ZNF487: variants seen among roughly 807,000 people sequenced by gnomAD.
ZNF487 encodes the protein zinc finger protein 487, also known as KRAB domain only 1.
Under a neutral mutation model 3.0 loss-of-function variants are expected in ZNF487, and 4 were observed. The observed-to-expected ratio is 1.35, with a 90% CI of 0.66 to 3.08. The LOEUF (loss-of-function observed/expected upper bound fraction) is 3.08. Among genes scored for constraint, ZNF487 ranks in the 30% most tolerant of loss-of-function variants. The pLI is 0.01. For synonymous variants in ZNF487, 55 were observed against 34.6 expected (o/e 1.59, Z -2.06); for missense variants, 146 against 98.7 (o/e 1.48, Z -2.03).
chr10:43,479,766 G>C (rs1357668695), intron 3 of ZNF487, among the ~76,000 whole-genome samples: 2 of 152,092 alleles, frequency 1.3e-5, no homozygotes, highest in Non-Finnish European at 2.9e-5. Flanking sequence ...TACTGCCTCA[G>C]CCACCCGAGT....
At chr10:43,446,421 C>T (rs1241197029) in intron 1 of ZNF487, among the ~76,000 whole-genome samples, 2 of 150,454 alleles carry the variant, frequency 1.3e-5, no homozygotes, top group African/African-American at 4.9e-5. Flanking sequence ...GGCAGAGGCA[C>T]TCCTCAGTTC....
downstream of ZNF487, among the ~76,000 whole-genome samples, chr10:43,484,305 C>T (rs1340619748): frequency 1.3e-5 from 2 of 152,062 alleles, no homozygotes; most frequent in African/African-American, 4.8e-5. Flanking sequence ...TCCTTTGTTA[C>T]TGATCAAGAT....
At chr10:43,504,293 C>CTTTTTTTTTTTTTTT in the ZNF487 span, among the ~76,000 whole-genome samples, 9 of 108,982 alleles carry the variant, frequency 8.3e-5, no homozygotes, top group Non-Finnish European at 1.4e-4. Flanking sequence ...TTCTTTCTTT[C>CTTTTTTTTTTTTTTT]TTTTTTTTTT....
intron 3 of ZNF487, among the ~76,000 whole-genome samples, chr10:43,479,137 A>C (rs1414887115): frequency 6.6e-6 from 1 of 151,028 alleles, no homozygotes; most frequent in East Asian, 1.9e-4. Context: ...ATATATATAT[A>C]TAAATTTGTA....
downstream of ZNF487, among the ~76,000 whole-genome samples, chr10:43,487,100 A>G (rs1841477199): frequency 1.3e-5 from 2 of 148,756 alleles, no homozygotes; most frequent in South Asian, 4.2e-4. Context: ...TTCATCACTC[A>G]TTTTTCATCA....
chr10:43,467,987 T>C (rs1196543803), intron 1 of ZNF487, among the ~76,000 whole-genome samples: 4 of 152,078 alleles, frequency 2.6e-5, no homozygotes, highest in Non-Finnish European at 5.9e-5. Flanking sequence ...ATTAACAACA[T>C]TAATAGGAAT....
At chr10:43,450,941 ATTT>A (rs1278555368) in intron 1 of ZNF487, among the ~76,000 whole-genome samples, 1 of 151,744 alleles carries the variant, frequency 6.6e-6, no homozygotes, top group Admixed American at 6.6e-5. Context: ...CATTATTATT[ATTT>A]TTTTATTATT....
chr10:43,465,943 CG>C (rs1564422445), intron 1 of ZNF487, among the ~76,000 whole-genome samples: 1 of 152,180 alleles, frequency 6.6e-6, no homozygotes, highest in East Asian at 1.9e-4. Flanking sequence ...CCCGGCACCT[CG>C]GGAGGCCGAG....
intron 1 of ZNF487, among the ~76,000 whole-genome samples, chr10:43,447,011 G>T (rs1839834454): frequency 6.6e-6 from 1 of 151,954 alleles, no homozygotes; most frequent in Admixed American, 6.6e-5. Context: ...GGCCAACACG[G>T]CGAAACCCCG....
At chr10:43,463,273 C>T (rs1189726029) in intron 1 of ZNF487, among the ~76,000 whole-genome samples, 1 of 151,782 alleles carries the variant, frequency 6.6e-6, no homozygotes, top group Non-Finnish European at 1.5e-5. Flanking sequence ...GCGGATGGCT[C>T]ATGCCTGTAA....
intron 1 of ZNF487, chr10:43,458,125 C>T (rs1840289452): frequency 6.6e-6 from 1 of 152,126 alleles, no homozygotes; most frequent in South Asian, 2.1e-4. Context: ...CAGTGTGAAC[C>T]CAAAATATCT....
At chr10:43,498,100 T>TATA in the ZNF487 span, among the ~76,000 whole-genome samples, 41 of 9,352 alleles carry the variant, frequency 4.4e-3, no homozygotes, top group East Asian at 9.6e-3. Context: ...TATATATATA[T>TATA]TTTTTTTTTT....
downstream of ZNF487, among the ~76,000 whole-genome samples, chr10:43,484,348 T>C (rs1841451746): frequency 6.6e-6 from 1 of 152,002 alleles, no homozygotes; most frequent in African/African-American, 2.4e-5. Context: ...GGCTCACACC[T>C]GTAATCCCAG....
chr10:43,516,294 C>G, the ZNF487 span, among the ~76,000 whole-genome samples: 1 of 152,150 alleles, frequency 6.6e-6, no homozygotes, highest in Admixed American at 6.5e-5. Context: ...GTTTTTCATA[C>G]TATTAGAAGT....
the ZNF487 span, chr10:43,523,687 C>T: frequency 1.3e-5 from 2 of 152,822 alleles, no homozygotes; most frequent in Non-Finnish European, 2.9e-5. Context: ...GAGGAGGCAG[C>T]CTTCAGTACC....
chr10:43,442,084 A>G (rs973511670), intron 1 of ZNF487, among the ~76,000 whole-genome samples: 5 of 152,074 alleles, frequency 3.3e-5, no homozygotes, highest in Non-Finnish European at 7.4e-5. Context: ...ATTTAGCTGG[A>G]TGTGATGGCA....
At chr10:43,495,882 A>C in the ZNF487 span, 2 of 382,148 alleles carry the variant, frequency 5.2e-6, no homozygotes, top group Non-Finnish European at 1.1e-5. Context: ...ATGCCAAATA[A>C]AGGACAGAGT....
chr10:43,472,542 A>G (rs553146637), intron 1 of ZNF487, among the ~76,000 whole-genome samples: 11 of 152,240 alleles, frequency 7.2e-5, no homozygotes, highest in Admixed American at 2.6e-4. Context: ...GGCCTCTGGC[A>G]TAGCATTTAG....
the ZNF487 span, among the ~76,000 whole-genome samples, chr10:43,512,238 G>C: frequency 6.6e-6 from 1 of 152,194 alleles, no homozygotes; most frequent in Non-Finnish European, 1.5e-5. Context: ...CTCCCCATGA[G>C]GCCATCGGTG....
Sources: allele counts gnomAD v4.1 joint callset (sites outside exome capture counted in the v4.1 genomes callset), GRCh38; gene constraint gnomAD v4.1.1; transcripts MANE v1.5; gene names NCBI Gene and HGNC (gene_info 2026-07-23, HGNC 2026-07-21).